The following PANK4 variants were observed in gnomAD, a reference collection of about 807,000 sequenced individuals.
The protein encoded by PANK4 is 4'-phosphopantetheine phosphatase.
In PANK4, 40 loss-of-function variants were observed where a neutral mutation model predicts 87.9. The ratio of observed to expected loss-of-function variants is 0.46; its 90% CI spans 0.35 to 0.59. The LOEUF (loss-of-function observed/expected upper bound fraction) is 0.59. Among genes scored for constraint, PANK4 ranks in the 20% least tolerant of loss-of-function variants. The pLI is 0.00. For synonymous variants in PANK4, 524 were observed against 467.4 expected (o/e 1.12, Z -1.56); for missense variants, 926 against 1,072.3 (o/e 0.86, Z 1.90).
rs559405522 is a variant in PANK4 at position 2,519,255 on chromosome 1, C to A, written c.923G>T (p.Cys308Phe). The A allele has an allele frequency of 6.2e-7, 1 of 1,612,576 alleles. No individual in the cohort carries two copies. The highest frequency in any genetic ancestry group is 8.5e-7 in the Non-Finnish European group (1 of 1,179,736). Residue 308 changes from cysteine to phenylalanine, a missense_variant, in exon 7 of 19, where the codon TGC becomes TTC. By Grantham distance (205) the Cys-to-Phe change is radical. Coordinates refer to ENST00000378466, the MANE Select transcript of PANK4 (RefSeq NM_018216.4). The surrounding 1 kb of genome is among the most constrained non-coding windows in gnomAD (Gnocchi z 8.3). ...MISNDIGQLA[C>F]LHARLHSLDR... Reference sequence around the variant, plus strand: ...CAGGCTGTGCAGCCGTGCGTGGAGGCAGGCCAGCTGCCCAATGTCGTTGCT... The same window carrying A: ...CAGGCTGTGCAGCCGTGCGTGGAGGAAGGCCAGCTGCCCAATGTCGTTGCT...
At chr1:2,523,870 G>A (rs528344212) in intron 1 of PANK4, among the ~76,000 whole-genome samples, 9 of 152,346 alleles carry the variant, frequency 5.9e-5, no homozygotes, top group Admixed American at 2.0e-4. Context: ...GCGGCTCTCC[G>A]GGCTGCCCGC....
Position 2,510,736 on chromosome 1 carries a change from A to G in PANK4, c.1880T>C (p.Ile627Thr). 2 of 1,612,664 alleles carry G rather than the reference A, an allele frequency of 1.2e-6. No individual in the cohort carries two copies. The highest frequency in any genetic ancestry group is 1.7e-6 in the Non-Finnish European group (2 of 1,179,278). The part of the protein sequence containing the change: ...CALIFADNSG[I>T]DIILGVFPFV... ...GGGGAAGACTCCCAAAATGATGTCT[A>G]TTCCACTGTTATCTGCGAAAATTAA... The change falls in exon 16 of 19, where the codon ATA becomes ACA. Residue 627 changes from isoleucine to threonine, a missense_variant. Ile to Thr is a moderately conservative substitution (Grantham distance 89). Coordinates refer to ENST00000378466, the MANE Select transcript of PANK4 (RefSeq NM_018216.4). This position sits in a 1 kb window ranked among gnomAD's most constrained non-coding sequence, Gnocchi z 4.9.
At position 2,520,168 on chromosome 1, in the gene PANK4, G is replaced by A. The variant is rs1570546375; in HGVS notation, c.699+154C>T. Among the ~76,000 whole-genome samples the A allele has an allele frequency of 6.6e-6, 1 of 152,194 alleles. No individual in the cohort carries two copies. Among genetic ancestry groups the A allele is most frequent in the African/African-American group, 2.4e-5 (1 of 41,438 alleles). Reference sequence around the variant, plus strand: ...TGCTGGGACACCCAACCCTCAGGGCGCAAAGAGTGAAGCCGCAGAGGCCAG... The same window carrying A: ...TGCTGGGACACCCAACCCTCAGGGCACAAAGAGTGAAGCCGCAGAGGCCAG... On this transcript the variant is annotated intron_variant, in intron 5 of 18. Coordinates refer to ENST00000378466, the MANE Select transcript of PANK4 (RefSeq NM_018216.4). This position sits in a 1 kb window ranked among gnomAD's most constrained non-coding sequence, Gnocchi z 6.2.
Position 2,510,134 on chromosome 1 carries a change from G to C in PANK4, c.1962C>G (p.Gly654=). Residue 654 remains glycine, a synonymous_variant, in exon 17 of 19, where the codon GGC becomes GGG. Coordinates refer to ENST00000378466, the MANE Select transcript of PANK4 (RefSeq NM_018216.4). The surrounding 1 kb of genome is among the most constrained non-coding windows in gnomAD (Gnocchi z 4.9). The stretch of plus-strand genomic sequence containing the variant: ...TGTGGGTCACGTCGTTCAGGGCGGG[G>C]CCTGAGTTGCACGCCAGGATGACCT... ...GTEVILACNS[G]PALNDVTHSE... is the part of the protein sequence containing the mutation. 2 of 1,607,228 alleles carry C rather than the reference G, an allele frequency of 1.2e-6. No homozygotes were observed. Among genetic ancestry groups the C allele is most frequent in the Non-Finnish European group, 1.7e-6 (2 of 1,177,060 alleles).
chr1:2,514,589 T>A (rs903908919), intron 10 of PANK4, 123 bp from the exon 11 acceptor site: 1 of 57,670 alleles, frequency 1.7e-5, no homozygotes, highest in African/African-American at 5.7e-5. Context: ...TGGGGCAGGG[T>A]GGGGGCGGCT....
intron 12 of PANK4, 98 bp from the exon 13 acceptor site, chr1:2,513,137 GGATC>G: frequency 7.4e-7 from 1 of 1,359,946 alleles, no homozygotes; most frequent in Non-Finnish European, 1.0e-6. Flanking sequence ...ACGCCCCTCA[GGATC>G]GAAGACTCAG....
chr1:2,521,719 T>C lies in PANK4; in HGVS notation c.206A>G (p.Lys69Arg). The change falls in exon 2 of 19, where the codon AAG becomes AGG. Residue 69 changes from lysine (K) to arginine (R), a missense_variant and splice_region_variant. Lys to Arg is a conservative substitution (Grantham distance 26, BLOSUM62 2). Transcript: ENST00000378466. Reference sequence around the variant, plus strand: ...CGGGTGGCCACAGTGCAGGCTCACCTTTCCGGAGTGGTCGAAAGACCGCAC... The same window carrying C: ...CGGGTGGCCACAGTGCAGGCTCACCCTTCCGGAGTGGTCGAAAGACCGCAC... ...AKVRSFDHSG[K>R]DTEREHEPPY... is the part of the protein sequence containing the mutation. 6.2e-7 allele frequency: 1 copy of C among 1,613,460 alleles called. No individual in the cohort carries two copies. The highest frequency in any genetic ancestry group is 1.1e-5 in the South Asian group (1 of 91,080).
intron 1 of PANK4, among the ~76,000 whole-genome samples, chr1:2,524,738 C>T (rs1015054974): frequency 2.0e-5 from 3 of 152,260 alleles, no homozygotes; most frequent in Non-Finnish European, 4.4e-5. Flanking sequence ...TGCAGGTCAA[C>T]TGCAATTGCA....
intron 9 of PANK4, among the ~76,000 whole-genome samples, chr1:2,517,404 T>G (rs1034338737): frequency 6.6e-6 from 1 of 152,238 alleles, no homozygotes; most frequent in Non-Finnish European, 1.5e-5. Context: ...CTGCCAACAA[T>G]GCCAGCGGCC....
Position 2,520,740 on chromosome 1 carries a change from C to T in PANK4, c.589G>A (p.Gly197Arg). The T allele has an allele frequency of 6.2e-7, 1 of 1,613,252 alleles. No homozygotes were observed. The highest frequency in any genetic ancestry group is 8.5e-7 in the Non-Finnish European group (1 of 1,179,794). ...FPYLLVNIGS[G>R]VSIVKVETED... Reference sequence around the variant, plus strand: ...GGTCTTACCTTCACGATGGAGACTCCAGAGCCGATATTGACAAGAAGATAG... The same window carrying T: ...GGTCTTACCTTCACGATGGAGACTCTAGAGCCGATATTGACAAGAAGATAG... The change falls in exon 4 of 19, where the codon GGA (glycine) becomes AGA (arginine). Residue 197 changes from glycine (G) to arginine (R), a missense_variant. Gly to Arg is a moderately radical substitution (Grantham distance 125). Coordinates refer to ENST00000378466, the MANE Select transcript of PANK4 (RefSeq NM_018216.4). This position sits in a 1 kb window ranked among gnomAD's most constrained non-coding sequence, Gnocchi z 6.2.
intron 14 of PANK4, 97 bp from the exon 15 acceptor site, chr1:2,511,484 C>T: frequency 1.8e-6 from 2 of 1,141,800 alleles, no homozygotes; most frequent in Non-Finnish European, 1.3e-6. Flanking sequence ...GAAGCAAGTT[C>T]TCCCCGCCCC....
At position 2,508,762 on chromosome 1, in the gene PANK4, C is replaced by T. The variant is rs767045911; in HGVS notation, c.*85G>A. On this transcript the variant is annotated 3_prime_UTR_variant, in exon 19 of 19. Coordinates refer to ENST00000378466, the MANE Select transcript of PANK4 (RefSeq NM_018216.4). This position sits in a 1 kb window ranked among gnomAD's most constrained non-coding sequence, Gnocchi z 5.1. ...GCGTCACAGCAGTACCATATAAATA[C>T]GTTGATTTGAACGCAGTTTCCCTGT... 64 of 810,284 alleles carry T rather than the reference C, an allele frequency of 7.9e-5. No homozygotes were observed. The highest frequency in any genetic ancestry group is 1.1e-4 in the Non-Finnish European group (55 of 484,476). 50.2% of individuals were successfully genotyped at this position (810,284 alleles called of 1,614,324 possible).
At position 2,519,865 on chromosome 1, in the gene PANK4, C is replaced by G. The variant is rs1016276759; in HGVS notation, c.789G>C (p.Gln263His). 1 of 1,570,082 alleles carries G rather than the reference C, an allele frequency of 6.4e-7. No homozygotes were observed. The highest frequency in any genetic ancestry group is 1.2e-5 in the South Asian group (1 of 85,924). Reference protein sequence around the residue: ...LVRDVYGGAHQTLGLSGNLIA... With the variant: ...LVRDVYGGAHHTLGLSGNLIA... ...TGAGGTTCCCGCTCAGCCCGAGAGT[C>G]TGGTGGGCGCCGCCGTAGACGTCCC... Residue 263 changes from glutamine to histidine, a missense_variant, in exon 6 of 19, where the codon CAG becomes CAC. Physicochemically the swap from Gln to His is conservative, Grantham distance 24. Transcript: ENST00000378466. The surrounding 1 kb of genome is among the most constrained non-coding windows in gnomAD (Gnocchi z 8.3).
intron 13 of PANK4, 187 bp downstream of exon 13, chr1:2,512,699 GGC>G (rs1643682335): frequency 1.6e-6 from 1 of 609,470 alleles, no homozygotes. Flanking sequence ...GACAGACAAG[GGC>G]GCTGCGCCCT....
Position 2,515,805 on chromosome 1 carries a change from G to A in PANK4, c.1219-88C>T, listed in dbSNP as rs567803796. On this transcript the variant is annotated intron_variant, in intron 9 of 18. Transcript: ENST00000378466. The surrounding 1 kb of genome is among the most constrained non-coding windows in gnomAD (Gnocchi z 5.0). ...TCAGAAGCTTCCACTCTCTCTCTAA[G>A]AAGGGAGATGTACTGCCTTCTTCCG... 29 of 1,280,222 alleles carry A rather than the reference G, an allele frequency of 2.3e-5. No homozygotes were observed. In the African/African-American group the frequency reaches 3.2e-4, roughly 14 times the overall value. The allele number at this position is 1,280,222 out of a possible 1,614,324, so 79.3% of individuals were successfully genotyped here.
At chr1:2,517,103 T>C (rs1184178532) in intron 9 of PANK4, among the ~76,000 whole-genome samples, 1 of 152,146 alleles carries the variant, frequency 6.6e-6, no homozygotes, top group Non-Finnish European at 1.5e-5. Flanking sequence ...AATCAGAAAC[T>C]GAGGCTGGAA....
chr1:2,523,905 G>A (rs1305919781), intron 1 of PANK4, among the ~76,000 whole-genome samples: 4 of 152,368 alleles, frequency 2.6e-5, no homozygotes, highest in African/African-American at 9.6e-5. Flanking sequence ...CCAACAGCTG[G>A]TGGGGGAAGG....
At position 2,520,007 on chromosome 1, in the gene PANK4, C is replaced by T; in HGVS notation, c.700-53G>A. 6.7e-7 allele frequency: 1 copy of T among 1,491,916 alleles called. No individual in the cohort carries two copies. Among genetic ancestry groups the T allele is most frequent in the Non-Finnish European group, 9.0e-7 (1 of 1,111,540 alleles). 92.4% of individuals were successfully genotyped at this position (1,491,916 alleles called of 1,614,324 possible). A position where few individuals can be genotyped will look rare whatever the true frequency, so the allele number is the denominator to read the frequency against. On this transcript the variant is annotated intron_variant, in intron 5 of 18. Coordinates refer to ENST00000378466, the MANE Select transcript of PANK4 (RefSeq NM_018216.4). The surrounding 1 kb of genome is among the most constrained non-coding windows in gnomAD (Gnocchi z 6.2). ...AGGCGCCAGGAGCTGCTGGAATCCCCACGACCCCAGAAACCAAGCCCATGG... is the reference window on the plus strand; with the variant it reads ...AGGCGCCAGGAGCTGCTGGAATCCCTACGACCCCAGAAACCAAGCCCATGG...
At chr1:2,518,330 G>T in intron 8 of PANK4, 66 bp from the exon 9 acceptor site, 1 of 1,154,014 alleles carries the variant, frequency 8.7e-7, no homozygotes, top group Non-Finnish European at 1.3e-6. Context: ...GGAGAGTGGA[G>T]GAGGAAAGGG....
Sources: gnomAD v4.1 joint callset for allele counts (sites outside exome capture counted in the v4.1 genomes callset) on GRCh38, gnomAD v4.1.1 for gene constraint, Gnocchi (gnomAD v3.1) non-coding constraint, MANE v1.5 for transcripts, NCBI Gene and HGNC (gene_info 2026-07-23, HGNC 2026-07-21) for gene names.